DRC12: variants seen among roughly 807,000 people sequenced by gnomAD.
The protein encoded by DRC12 is dynein regulatory complex protein 12.
At chr11:119,193,385 C>T in the DRC12 span, 1 of 847,758 alleles carries the variant, frequency 1.2e-6, no homozygotes, top group Non-Finnish European at 1.8e-6. Context: ...TTTTGTGATT[C>T]TGAGAAGCTG....
chr11:119,193,728 C>T, the DRC12 span: 25 of 1,548,788 alleles, frequency 1.6e-5, no homozygotes, highest in Non-Finnish European at 2.1e-5. Context: ...CTCCTCCAAG[C>T]CCCTGTCTCC....
the DRC12 span, among the ~76,000 whole-genome samples, chr11:119,192,831 G>A: frequency 6.6e-6 from 1 of 152,102 alleles, no homozygotes; most frequent in Non-Finnish European, 1.5e-5. Flanking sequence ...ATTTTTAGTA[G>A]AGACGGGGTT....
chr11:119,195,194 G>A, the DRC12 span: 1 of 628,976 alleles, frequency 1.6e-6, no homozygotes, highest in Non-Finnish European at 2.8e-6. Context: ...AAATACACAT[G>A]ACAAATATAT....
chr11:119,191,498 G>A, the DRC12 span, among the ~76,000 whole-genome samples: 2 of 151,948 alleles, frequency 1.3e-5, no homozygotes, highest in Non-Finnish European at 2.9e-5. Context: ...TAGTATACAG[G>A]AGGTGCTCAG....
the DRC12 span, chr11:119,190,534 C>T: frequency 6.3e-7 from 1 of 1,589,748 alleles, no homozygotes. This position sits in a 1 kb window ranked among gnomAD's most constrained non-coding sequence, Gnocchi z 4.2. Flanking sequence ...ATAAGCTTTC[C>T]TTGCCCAGTA....
the DRC12 span, chr11:119,195,360 C>T: frequency 2.1e-6 from 3 of 1,420,616 alleles, no homozygotes; most frequent in Non-Finnish European, 2.9e-6. Flanking sequence ...TCTGGAGGAG[C>T]TCTGCGTGGT....
At chr11:119,194,379 G>C in the DRC12 span, among the ~76,000 whole-genome samples, 1 of 151,724 alleles carries the variant, frequency 6.6e-6, no homozygotes, top group South Asian at 2.1e-4. Flanking sequence ...CAGGTGTGGT[G>C]GCCACGTGCC....
At chr11:119,192,889 G>A in the DRC12 span, among the ~76,000 whole-genome samples, 6 of 151,966 alleles carry the variant, frequency 3.9e-5, no homozygotes, top group South Asian at 2.1e-4. Context: ...CAGGTGATCC[G>A]CCCGCCTTGG....
chr11:119,193,809 A>G, the DRC12 span: 1 of 1,551,574 alleles, frequency 6.4e-7, no homozygotes, highest in Non-Finnish European at 8.7e-7. Context: ...CTTCCAGCTC[A>G]GCCTCCACCC....
chr11:119,192,100 C>G, the DRC12 span, among the ~76,000 whole-genome samples: 1 of 151,786 alleles, frequency 6.6e-6, no homozygotes, highest in African/African-American at 2.4e-5. Flanking sequence ...CTCAGCCTCC[C>G]AAGTAGCTGA....
chr11:119,193,157 GC>G, the DRC12 span: 14 of 1,613,804 alleles, frequency 8.7e-6, no homozygotes, highest in Non-Finnish European at 1.2e-5. Flanking sequence ...CTACCTAGCT[GC>G]CCCCGAAGGC....
At chr11:119,194,688 T>C in the DRC12 span, among the ~76,000 whole-genome samples, 1 of 151,198 alleles carries the variant, frequency 6.6e-6, no homozygotes, top group Non-Finnish European at 1.5e-5. Flanking sequence ...GCCCGGGCAA[T>C]AGAGCAAAAT....
chr11:119,193,452 G>T, the DRC12 span: 1 of 976,544 alleles, frequency 1.0e-6, no homozygotes, highest in Non-Finnish European at 1.5e-6. Context: ...CCCCAGTCCA[G>T]CTTTGGATGG....
chr11:119,193,163 G>C, the DRC12 span: 1 of 1,614,052 alleles, frequency 6.2e-7, no homozygotes, highest in Non-Finnish European at 8.5e-7. Context: ...AGCTGCCCCC[G>C]AAGGCCTTTG....
At chr11:119,193,748 G>A in the DRC12 span, 1 of 1,551,234 alleles carries the variant, frequency 6.4e-7, no homozygotes, top group Non-Finnish European at 8.7e-7. Flanking sequence ...CTGCCCACCT[G>A]CTTAACCGAC....
the DRC12 span, chr11:119,193,992 T>G: frequency 9.1e-7 from 1 of 1,098,850 alleles, no homozygotes. Context: ...TGGTGGGGTG[T>G]CCAGCCTCTT....
the DRC12 span, chr11:119,190,845 G>C: frequency 4.3e-6 from 7 of 1,610,168 alleles, no homozygotes; most frequent in Non-Finnish European, 5.9e-6. The surrounding 1 kb of genome is among the most constrained non-coding windows in gnomAD (Gnocchi z 4.2). Context: ...ATGCCTCTGG[G>C]GGCAGGCAGG....
chr11:119,194,273 G>A, the DRC12 span, among the ~76,000 whole-genome samples: 82 of 152,058 alleles, frequency 5.4e-4, 1 homozygote, highest in East Asian at 0.012. Context: ...CCAGCACTTC[G>A]GGAGGCCAAG....
chr11:119,193,340 T>A, the DRC12 span: 1 of 1,066,040 alleles, frequency 9.4e-7, no homozygotes. Flanking sequence ...CTACTTGGTC[T>A]AGTGGAACAG....
Sources: allele counts gnomAD v4.1 joint callset (sites outside exome capture counted in the v4.1 genomes callset), GRCh38; gene constraint gnomAD v4.1.1; non-coding constraint Gnocchi (gnomAD v3.1); transcripts MANE v1.5; gene names NCBI Gene and HGNC (gene_info 2026-07-23, HGNC 2026-07-21).